KCNN2: variants seen among roughly 807,000 people sequenced by gnomAD.
The protein encoded by KCNN2 is potassium calcium-activated channel subfamily N member 2, also known as small conductance calcium-activated potassium channel protein 2.
Under a neutral mutation model 55.5 loss-of-function variants are expected in KCNN2, and 24 were observed. That is an observed-to-expected ratio of 0.43 (90% CI 0.31 to 0.61). The LOEUF is 0.61. Among genes scored for constraint, KCNN2 ranks in the 20% least tolerant of loss-of-function variants. The pLI, the probability that KCNN2 is intolerant of heterozygous loss-of-function variation, is 0.08. For synonymous variants in KCNN2, 431 were observed against 336.1 expected, an observed-to-expected ratio of 1.28 and a Z score of -3.09; for missense variants, 754 against 853.6, an observed-to-expected ratio of 0.88 and a Z score of 1.45.
At chr5:114,228,050 GATA>G (rs1754275553) in intron 2 of KCNN2, among the ~76,000 whole-genome samples, 1 of 151,444 alleles carries the variant, frequency 6.6e-6, no homozygotes, top group African/African-American at 2.4e-5. Context: ...AGGAGATGAT[GATA>G]AAGTTCCAAG....
At chr5:114,120,290 T>G (rs1001018284) in intron 1 of KCNN2, among the ~76,000 whole-genome samples, 2 of 152,190 alleles carry the variant, frequency 1.3e-5, no homozygotes, top group Admixed American at 6.5e-5. Context: ...TAGTCCTGGT[T>G]GTCTCCTATT....
intron 5 of KCNN2, among the ~76,000 whole-genome samples, chr5:114,483,811 C>T (rs573948641): frequency 6.6e-6 from 1 of 151,568 alleles, no homozygotes; most frequent in South Asian, 2.1e-4. Context: ...CAGAAAATGA[C>T]TTTTATTTCA....
At chr5:114,074,339 C>T (rs1005668932) in intron 1 of KCNN2, among the ~76,000 whole-genome samples, 4 of 148,488 alleles carry the variant, frequency 2.7e-5, no homozygotes, top group Admixed American at 1.3e-4. Flanking sequence ...TGCGCGCGCG[C>T]GCCAGAGAGA....
At chr5:114,275,455 G>C (rs1391106675) in intron 2 of KCNN2, among the ~76,000 whole-genome samples, 1 of 152,082 alleles carries the variant, frequency 6.6e-6, no homozygotes, top group East Asian at 1.9e-4. Context: ...CTGTGAATCT[G>C]TCTGGTCCTG....
At chr5:114,391,614 G>A (rs1758454334) in intron 2 of KCNN2, among the ~76,000 whole-genome samples, 2 of 152,002 alleles carry the variant, frequency 1.3e-5, no homozygotes, top group South Asian at 4.1e-4. Flanking sequence ...ACCACTCAAT[G>A]GTTATTGTAC....
At chr5:114,192,410 A>G (rs926927443) in intron 1 of KCNN2, among the ~76,000 whole-genome samples, 1 of 152,118 alleles carries the variant, frequency 6.6e-6, no homozygotes, top group Non-Finnish European at 1.5e-5. Flanking sequence ...TTCACTCCCT[A>G]TGTATGTATG....
At chr5:114,487,001 A>G (rs776511356) in intron 5 of KCNN2, 49 bp from the exon 6 acceptor site, 21 of 1,606,752 alleles carry the variant, frequency 1.3e-5, no homozygotes, top group Non-Finnish European at 1.8e-5. Context: ...AAAGTTACAA[A>G]GGATTCTGCT....
At chr5:114,282,281 A>G (rs1236071389) in intron 2 of KCNN2, among the ~76,000 whole-genome samples, 1 of 152,122 alleles carries the variant, frequency 6.6e-6, no homozygotes, top group Admixed American at 6.5e-5. Context: ...GTTGAATTAT[A>G]GCAAAAAACA....
At position 114,441,026 on chromosome 5, in the gene KCNN2, T is replaced by C. The variant is rs1011234102; in HGVS notation, c.1638-22023T>C. ...TACAACAGGCAACTACTTACCAAAA[T>C]GAGTTTAGTGTCACTATGTTAATAT... On this transcript the variant is annotated intron_variant, in intron 3 of 7. Transcript: ENST00000673685. 3.9e-5 allele frequency among the ~76,000 whole-genome samples: 6 copies of C among 152,156 alleles called. No individual in the cohort carries two copies. In the South Asian group the frequency reaches 1.2e-3, roughly 31 times the overall value.
chr5:114,069,003 C>T (rs750231350), intron 1 of KCNN2, among the ~76,000 whole-genome samples: 10 of 152,064 alleles, frequency 6.6e-5, no homozygotes, highest in South Asian at 4.1e-4. Flanking sequence ...TTAGTAGAGA[C>T]GGGGTTTCAC....
chr5:114,204,443 A>G (rs1307040002), intron 1 of KCNN2, among the ~76,000 whole-genome samples: 1 of 152,222 alleles, frequency 6.6e-6, no homozygotes, highest in Non-Finnish European at 1.5e-5. Context: ...AAGCCAAGTG[A>G]CTTGTCCAGA....
intron 1 of KCNN2, among the ~76,000 whole-genome samples, chr5:114,125,033 G>A (rs948697754): frequency 1.3e-5 from 2 of 152,134 alleles, no homozygotes; most frequent in Non-Finnish European, 2.9e-5. Context: ...CTGAGACACA[G>A]CCCTGAATAA....
At chr5:114,237,288 ACACT>A (rs1294601442) in intron 2 of KCNN2, among the ~76,000 whole-genome samples, 1 of 144,410 alleles carries the variant, frequency 6.9e-6, no homozygotes. Flanking sequence ...ACACACACAC[ACACT>A]CACACACACA....
intron 1 of KCNN2, among the ~76,000 whole-genome samples, chr5:114,217,980 G>A (rs541678061): frequency 1.3e-5 from 2 of 152,198 alleles, no homozygotes; most frequent in South Asian, 4.1e-4. Flanking sequence ...TGGCAAATTA[G>A]CATTTAAAAA....
intron 1 of KCNN2, among the ~76,000 whole-genome samples, chr5:114,099,723 G>C (rs545771725): frequency 6.6e-6 from 1 of 152,152 alleles, no homozygotes; most frequent in Non-Finnish European, 1.5e-5. Context: ...TTTTGGACCA[G>C]ATTGCTTTTC....
At chr5:114,259,953 C>T (rs184291774) in intron 2 of KCNN2, among the ~76,000 whole-genome samples, 1 of 152,304 alleles carries the variant, frequency 6.6e-6, no homozygotes, top group East Asian at 1.9e-4. Flanking sequence ...CATCTTGAAT[C>T]CCATGAAACT....
intron 4 of KCNN2, among the ~76,000 whole-genome samples, chr5:114,472,472 G>T (rs1761790252): frequency 6.6e-6 from 1 of 152,140 alleles, no homozygotes; most frequent in African/African-American, 2.4e-5. Context: ...CTTACCTTCA[G>T]TACTTCATCT....
intron 1 of KCNN2, among the ~76,000 whole-genome samples, chr5:114,114,969 C>T (rs1416456532): frequency 2.0e-5 from 3 of 152,098 alleles, no homozygotes; most frequent in Non-Finnish European, 2.9e-5. Flanking sequence ...TTCCTTTTCC[C>T]TTCACAATAT....
intron 2 of KCNN2, among the ~76,000 whole-genome samples, chr5:114,272,122 A>G (rs1755350146): frequency 1.3e-5 from 2 of 152,154 alleles, no homozygotes; most frequent in African/African-American, 2.4e-5. Flanking sequence ...GAAAAACACA[A>G]TACCTTCCCT....
Sources: gnomAD v4.1 joint callset for allele counts (sites outside exome capture counted in the v4.1 genomes callset) on GRCh38, gnomAD v4.1.1 for gene constraint, MANE v1.5 for transcripts, NCBI Gene and HGNC (gene_info 2026-07-23, HGNC 2026-07-21) for gene names.